The following SYNJ2 variants were observed in gnomAD, a reference collection of about 807,000 sequenced individuals.
SYNJ2 encodes the protein polyphosphatidylinositol phosphatase SYNJ2.
A neutral mutation model predicts 141.3 loss-of-function variants in SYNJ2; 116 were observed. That is an observed-to-expected ratio of 0.82 (90% CI 0.71 to 0.96). The LOEUF (loss-of-function observed/expected upper bound fraction) is 0.96, where lower values mean the gene tolerates loss of function less well. Among genes scored for constraint, SYNJ2 ranks in the 40% least tolerant of loss-of-function variants. SYNJ2 has a pLI of 0.00. For synonymous variants in SYNJ2, 745 were observed against 777.7 expected (o/e 0.96, Z 0.70); for missense variants, 1,873 against 1,934.8 (o/e 0.97, Z 0.60).
intron 1 of SYNJ2, among the ~76,000 whole-genome samples, chr6:157,996,387 C>T (rs907703432): frequency 2.6e-5 from 4 of 152,086 alleles, no homozygotes; most frequent in Non-Finnish European, 5.9e-5. Flanking sequence ...TTGAACTAGT[C>T]TCCTGGCTCT....
Position 158,048,585 on chromosome 6 carries a change from A to G in SYNJ2, c.795+5186A>G, listed in dbSNP as rs112040660. On this transcript the variant is annotated intron_variant, in intron 5 of 26. Coordinates refer to ENST00000355585, the MANE Select transcript of SYNJ2 (RefSeq NM_003898.4). ...AAATCCTGATACCCAGGTTGATACC[A>G]TACACATTAAGTCACAATATCTGGG... Among the ~76,000 whole-genome samples, 764 of 152,286 alleles carry G rather than the reference A, an allele frequency of 5.0e-3. 4 individuals carry two copies. Among genetic ancestry groups the G allele is most frequent in the African/African-American group, 0.017 (722 of 41,554 alleles).
intron 16 of SYNJ2, among the ~76,000 whole-genome samples, chr6:158,075,639 C>CAA (rs1202668490): frequency 0.011 from 1,466 of 136,436 alleles, 29 homozygotes; most frequent in African/African-American, 0.037. Flanking sequence ...AACTCCGTCT[C>CAA]AAAAAAAAAA....
At chr6:158,016,613 A>C (rs1167073348) in intron 1 of SYNJ2, among the ~76,000 whole-genome samples, 2 of 152,150 alleles carry the variant, frequency 1.3e-5, no homozygotes, top group Non-Finnish European at 2.9e-5. Flanking sequence ...CCTAACCATT[A>C]GGGCTCCCTG....
chr6:158,072,014 G>A lies in SYNJ2; in HGVS notation c.2133+220G>A, dbSNP rs116506640. On this transcript the variant is annotated intron_variant, in intron 15 of 26. Coordinates refer to ENST00000355585, the MANE Select transcript of SYNJ2 (RefSeq NM_003898.4). Reference sequence around the variant, plus strand: ...GGGGGCCAGCTTTGCAGCATTTCCCGTTGCTGTACAATTCCTGAGTGTCTG... The same window carrying A: ...GGGGGCCAGCTTTGCAGCATTTCCCATTGCTGTACAATTCCTGAGTGTCTG... Among the ~76,000 whole-genome samples the A allele has an allele frequency of 8.2e-3, 1,248 of 152,322 alleles. 20 individuals carry two copies. Among genetic ancestry groups the A allele is most frequent in the African/African-American group, 0.028 (1,177 of 41,568 alleles).
intron 26 of SYNJ2, chr6:158,093,890 T>C (rs1255465707): frequency 1.3e-6 from 1 of 765,050 alleles, no homozygotes; most frequent in South Asian, 1.3e-5. Flanking sequence ...TCTTGCAGAT[T>C]GTTTTTTGCT....
intron 5 of SYNJ2, among the ~76,000 whole-genome samples, chr6:158,044,349 A>G (rs2128345683): frequency 6.6e-6 from 1 of 152,326 alleles, no homozygotes; most frequent in Middle Eastern, 3.4e-3. Flanking sequence ...ACTTGTCCCC[A>G]TGGCTGTCAG....
Position 158,070,937 on chromosome 6 carries a change from C to T in SYNJ2, c.1941-665C>T, listed in dbSNP as rs1052964032. On this transcript the variant is annotated intron_variant, in intron 14 of 26. Coordinates refer to ENST00000355585, the MANE Select transcript of SYNJ2 (RefSeq NM_003898.4). This position sits in a 1 kb window ranked among gnomAD's most constrained non-coding sequence, Gnocchi z 4.0. ...GTGTCTCACGCCTGTAATCCCAGCA[C>T]TTTGGGAGGCCAAGGCAGGCAGATC... 1.3e-5 allele frequency among the ~76,000 whole-genome samples: 2 copies of T among 152,218 alleles called. No homozygotes were observed. Among genetic ancestry groups the T allele is most frequent in the African/African-American group, 4.8e-5 (2 of 41,448 alleles).
At chr6:158,078,566 T>C (rs1282901445) in intron 18 of SYNJ2, 3 of 245,084 alleles carry the variant, frequency 1.2e-5, no homozygotes, top group Non-Finnish European at 2.4e-5. Context: ...TTTTATATTT[T>C]CTTAAATGAT....
chr6:158,078,466 CTAAT>C, intron 18 of SYNJ2, 185 bp downstream of exon 18: 1 of 416,690 alleles, frequency 2.4e-6, no homozygotes, highest in Non-Finnish European at 4.3e-6. Flanking sequence ...CCACCAAGAA[CTAAT>C]TAATCTTAGC....
At chr6:158,085,627 C>T (rs139065109) in intron 22 of SYNJ2, among the ~76,000 whole-genome samples, 132 of 152,312 alleles carry the variant, frequency 8.7e-4, no homozygotes, top group African/African-American at 2.8e-3. Flanking sequence ...TTTGACCGTA[C>T]GCTGGTCCCC....
At chr6:158,090,090 A>G (rs937293464) in intron 25 of SYNJ2, 143 bp downstream of exon 25, 5 of 626,150 alleles carry the variant, frequency 8.0e-6, no homozygotes, top group Non-Finnish European at 1.4e-5. Context: ...GCAACATTTT[A>G]TATAAATCTA....
At chr6:158,022,077 C>T (rs558303660) in intron 2 of SYNJ2, among the ~76,000 whole-genome samples, 1 of 152,184 alleles carries the variant, frequency 6.6e-6, no homozygotes, top group Admixed American at 6.5e-5. Flanking sequence ...GAGACCATGC[C>T]GCATGGGCAC....
chr6:158,075,724 C>T (rs756394294), intron 16 of SYNJ2, among the ~76,000 whole-genome samples: 5 of 152,052 alleles, frequency 3.3e-5, no homozygotes, highest in Admixed American at 6.5e-5. Context: ...ACTGTGTCTT[C>T]CCACTTGAGC....
chr6:158,053,941 TATCCATCCACTGATCC>T (rs1780714966), intron 5 of SYNJ2, among the ~76,000 whole-genome samples: 1 of 140,518 alleles, frequency 7.1e-6, no homozygotes, highest in South Asian at 2.4e-4. Context: ...TCCACCTTTC[TATCCATCCACTGATCC>T]ATCCATCCAC....
At chr6:158,017,591 T>C (rs1562326758) in intron 2 of SYNJ2, 2 of 411,874 alleles carry the variant, frequency 4.9e-6, no homozygotes, top group Non-Finnish European at 9.2e-6. Context: ...ATTTTTTGTA[T>C]TTTTAGTAGA....
chr6:158,078,791 T>TA (rs1782487278), intron 18 of SYNJ2: 1 of 144,852 alleles, frequency 6.9e-6, no homozygotes, highest in Non-Finnish European at 1.5e-5. Context: ...GCACAACCTT[T>TA]TTTTTTTTTT....
chr6:158,092,439 G>C (rs149487768), intron 25 of SYNJ2, among the ~76,000 whole-genome samples: 2 of 152,104 alleles, frequency 1.3e-5, no homozygotes, highest in Admixed American at 1.3e-4. Context: ...CCAGGAGTTC[G>C]AGACAAGTCT....
intron 5 of SYNJ2, among the ~76,000 whole-genome samples, chr6:158,051,264 AC>A (rs1488568110): frequency 6.6e-6 from 1 of 151,754 alleles, no homozygotes. Context: ...GCCAGGGGAG[AC>A]TTCTTGTGAT....
intron 1 of SYNJ2, among the ~76,000 whole-genome samples, chr6:157,999,596 C>T (rs1777760597): frequency 6.6e-6 from 1 of 152,190 alleles, no homozygotes; most frequent in Non-Finnish European, 1.5e-5. Flanking sequence ...AGGTGGGGCT[C>T]AGGTGCTAGA....
Sources: allele counts gnomAD v4.1 joint callset (sites outside exome capture counted in the v4.1 genomes callset), GRCh38; gene constraint gnomAD v4.1.1; non-coding constraint Gnocchi (gnomAD v3.1); transcripts MANE v1.5; gene names NCBI Gene and HGNC (gene_info 2026-07-23, HGNC 2026-07-21).